The following UCP1 variants were observed in gnomAD, a reference collection of about 807,000 sequenced individuals.
The protein encoded by UCP1 is mitochondrial brown fat uncoupling protein 1.
Under a neutral mutation model 26.2 loss-of-function variants are expected in UCP1, and 24 were observed. That is an observed-to-expected ratio of 0.92 (90% CI 0.66 to 1.29). The LOEUF (loss-of-function observed/expected upper bound fraction) is 1.29. Ranked by LOEUF, UCP1 falls within the 50% of genes most tolerant of loss-of-function variation. The pLI is 0.00. For missense variants in UCP1, 402 were observed against 388.7 expected, an observed-to-expected ratio of 1.03 and a Z score of -0.29; for synonymous variants, 164 against 156.8, an observed-to-expected ratio of 1.05 and a Z score of -0.34.
chr4:140,561,753 A>C (rs1735682166), intron 5 of UCP1, among the ~76,000 whole-genome samples: 1 of 152,202 alleles, frequency 6.6e-6, no homozygotes, highest in Non-Finnish European at 1.5e-5. Flanking sequence ...CAAATCAAAT[A>C]CTTTTCTGCA....
Position 140,568,611 on chromosome 4 carries a change from C to T in UCP1, c.119G>A (p.Arg40Gln), listed in dbSNP as rs752671873. Residue 40 changes from arginine (R) to glutamine (Q), a missense_variant, in exon 1 of 6, where the codon CGG (arginine) becomes CAG (glutamine). Arg to Gln is a conservative substitution (Grantham distance 43). Transcript: ENST00000262999. ...ITFPLDTAKVRLQVQGECPTS... is the reference protein window; with the variant it reads ...ITFPLDTAKVQLQVQGECPTS... Reference sequence around the variant, plus strand: ...ACCCCTCTGCCTAGCTACCTGGAGCCGGACTTTGGCCGTGTCCAGCGGGAA... The same window carrying T: ...ACCCCTCTGCCTAGCTACCTGGAGCTGGACTTTGGCCGTGTCCAGCGGGAA... The T allele has an allele frequency of 1.9e-6, 3 of 1,613,754 alleles. No individual in the cohort carries two copies. Among genetic ancestry groups the T allele is most frequent in the Middle Eastern group, 1.6e-4 (1 of 6,062 alleles).
chr4:140,560,000 A>C lies in UCP1; in HGVS notation c.820T>G (p.Ser274Ala). Residue 274 changes from serine (S) to alanine (A), a missense_variant, in exon 6 of 6, where the codon TCC (serine) becomes GCC (alanine). By Grantham distance (99) the Ser-to-Ala change is moderately conservative. Transcript: ENST00000262999. ...TTCCAGGATCCAAGTCGCAAGAAGGAAGGTACCAACCTAGAAAAGTGCATG... is the reference window on the plus strand; with the variant it reads ...TTCCAGGATCCAAGTCGCAAGAAGGCAGGTACCAACCTAGAAAAGTGCATG... ...PTAFFKGLVP[S>A]FLRLGSWNVI... 6.2e-7 allele frequency: 1 copy of C among 1,613,856 alleles called. No homozygotes were observed. The highest frequency in any genetic ancestry group is 8.5e-7 in the Non-Finnish European group (1 of 1,179,826).
At position 140,559,826 on chromosome 4, in the gene UCP1, G is replaced by A. The variant is rs1735638090; in HGVS notation, c.*70C>T. 1.1e-5 allele frequency: 15 copies of A among 1,352,182 alleles called. No individual in the cohort carries two copies. Among genetic ancestry groups the A allele is most frequent in the Non-Finnish European group, 1.6e-5 (15 of 948,756 alleles). 83.8% of individuals were successfully genotyped at this position (1,352,182 alleles called of 1,614,324 possible). ...TTTTTAGGTTAAAATAAGTGAATAA[G>A]TTTTGTTTGTTTTTATGATCCAGTC... On this transcript the variant is annotated 3_prime_UTR_variant, in exon 6 of 6. Transcript: ENST00000262999.
chr4:140,568,494 C>A (rs1044213917), intron 1 of UCP1, 110 bp downstream of exon 1: 8 of 1,549,490 alleles, frequency 5.2e-6, no homozygotes, highest in Non-Finnish European at 6.1e-6. Flanking sequence ...TGGAAGGTCA[C>A]CTACCCTACC....
At position 140,562,219 on chromosome 4, in the gene UCP1, G is replaced by C; in HGVS notation, c.783C>G (p.Asn261Lys). The C allele has an allele frequency of 1.9e-6, 3 of 1,614,142 alleles. No individual in the cohort carries two copies. Among genetic ancestry groups the C allele is most frequent in the Middle Eastern group, 3.3e-4 (2 of 6,062 alleles). Residue 261 changes from asparagine to lysine, a missense_variant, in exon 5 of 6, where the codon AAC becomes AAG. Coordinates refer to ENST00000262999, the MANE Select transcript of UCP1 (RefSeq NM_021833.5). ...VPNCAMKVFT[N>K]EGPTAFFKGL... ...CCTTGAAGAAAGCCGTTGGTCCTTC[G>C]TTAGTGAACACTTTCATTGCACAGT...
In UCP1 at chr4:140,559,573, T is replaced by C. The variant is rs1232733839; in HGVS notation, c.*323A>G. ...TCAGTTTCTTTTCCACCAGTTGGAATTGTAATTAAAACATGTTAAAGTTCT... is the reference window on the plus strand; with the variant it reads ...TCAGTTTCTTTTCCACCAGTTGGAACTGTAATTAAAACATGTTAAAGTTCT... On this transcript the variant is annotated 3_prime_UTR_variant, in exon 6 of 6. Transcript: ENST00000262999. 2.1e-5 allele frequency: 5 copies of C among 237,504 alleles called. No individual in the cohort carries two copies. The allele number at this position is 237,504 out of a possible 1,614,324, so 14.7% of individuals were successfully genotyped here. A position where few individuals can be genotyped will look rare whatever the true frequency, so the allele number is the denominator to read the frequency against.
intron 5 of UCP1, among the ~76,000 whole-genome samples, chr4:140,561,420 A>G (rs777554926): frequency 5.9e-4 from 89 of 152,098 alleles, no homozygotes; most frequent in Non-Finnish European, 6.9e-4. Context: ...TGGCACAATC[A>G]TAGCTCGCTG....
intron 2 of UCP1, among the ~76,000 whole-genome samples, chr4:140,566,397 C>A (rs980330059): frequency 6.6e-6 from 1 of 152,176 alleles, no homozygotes; most frequent in Admixed American, 6.5e-5. Flanking sequence ...AACATATATC[C>A]TATTAATTTG....
chr4:140,562,205 G>C lies in UCP1; in HGVS notation c.797C>G (p.Ala266Gly). 1.9e-6 allele frequency: 3 copies of C among 1,614,160 alleles called. No homozygotes were observed. Among genetic ancestry groups the C allele is most frequent in the Non-Finnish European group, 2.5e-6 (3 of 1,179,996 alleles). ...MKVFTNEGPT[A>G]FFKGLVPSFL... Reference sequence around the variant, plus strand: ...GATCATATCTTACCCCTTGAAGAAAGCCGTTGGTCCTTCGTTAGTGAACAC... The same window carrying C: ...GATCATATCTTACCCCTTGAAGAAACCCGTTGGTCCTTCGTTAGTGAACAC... Residue 266 changes from alanine to glycine, a missense_variant, in exon 5 of 6, where the codon GCT becomes GGT. Coordinates refer to ENST00000262999, the MANE Select transcript of UCP1 (RefSeq NM_021833.5).
chr4:140,563,472 T>C lies in UCP1; in HGVS notation c.372A>G (p.Gly124=), dbSNP rs1435997153. 2 of 1,614,096 alleles carry C rather than the reference T, an allele frequency of 1.2e-6. No individual in the cohort carries two copies. The highest frequency in any genetic ancestry group is 1.1e-5 in the South Asian group (1 of 91,076). The change falls in exon 3 of 6, where the codon GGA becomes GGG. Residue 124 remains glycine, a synonymous_variant. Transcript: ENST00000262999. ...GTTGCCCAATGAATACTGCCACTCC[T>C]CCAGTCGTTAGACCAGCTAAAATCT... The part of the protein sequence containing the change: ...GSKILAGLTT[G]GVAVFIGQPT...
chr4:140,564,562 T>C (rs987520234), intron 2 of UCP1, among the ~76,000 whole-genome samples: 6 of 152,194 alleles, frequency 3.9e-5, no homozygotes, highest in Non-Finnish European at 5.9e-5. Context: ...TTAAATAATA[T>C]TGATAAAGAG....
chr4:140,563,575 C>T, intron 2 of UCP1, 57 bp from the exon 3 acceptor site: 1 of 1,471,656 alleles, frequency 6.8e-7, no homozygotes, highest in South Asian at 1.2e-5. Flanking sequence ...AGAATGCATG[C>T]ATGTCTTTTT....
intron 3 of UCP1, 42 bp downstream of exon 3, chr4:140,563,276 A>T: frequency 3.1e-6 from 5 of 1,613,198 alleles, no homozygotes; most frequent in Non-Finnish European, 4.2e-6. Context: ...AGTTGTATGT[A>T]TGTGCTTTGG....
At position 140,567,578 on chromosome 4, in the gene UCP1, A is replaced by C. The variant is rs2071416; in HGVS notation, c.325+201T>G. 0.15 allele frequency among the ~76,000 whole-genome samples: 22,315 copies of C among 152,244 alleles called. 3,056 individuals are homozygous for C. Among genetic ancestry groups the C allele is most frequent in the African/African-American group, 0.37 (15,226 of 41,492 alleles). ...ACTTCCATGACTGGGTGACCTTTAC[A>C]AGTATATATCTGCATCTAAAAAATC... On this transcript the variant is annotated intron_variant, in intron 2 of 5. Coordinates refer to ENST00000262999, the MANE Select transcript of UCP1 (RefSeq NM_021833.5).
intron 4 of UCP1, among the ~76,000 whole-genome samples, 192 bp downstream of exon 4, chr4:140,562,918 T>C (rs1419452007): frequency 6.6e-6 from 1 of 152,200 alleles, no homozygotes; most frequent in African/African-American, 2.4e-5. Flanking sequence ...ATTTTTGTTG[T>C]GGCAAAACTT....
intron 5 of UCP1, among the ~76,000 whole-genome samples, chr4:140,561,130 A>G (rs1398052613): frequency 1.3e-5 from 2 of 152,222 alleles, no homozygotes; most frequent in African/African-American, 4.8e-5. Flanking sequence ...ATCCATTTTA[A>G]GTTAATTTTA....
Position 140,568,818 on chromosome 4 carries a change from G to C in UCP1, c.-89C>G. ...TTTCCCTTGCTCTTCACGCCTGTCC[G>C]CCGGGCAGCAAACCCGATTTCTGTT... is the stretch of plus-strand genomic sequence containing the variant. On this transcript the variant is annotated 5_prime_UTR_variant, in exon 1 of 6. Coordinates refer to ENST00000262999, the MANE Select transcript of UCP1 (RefSeq NM_021833.5). 2 of 1,525,310 alleles carry C rather than the reference G, an allele frequency of 1.3e-6. No homozygotes were observed. Among genetic ancestry groups the C allele is most frequent in the South Asian group, 1.2e-5 (1 of 83,816 alleles). The allele number at this position is 1,525,310 out of a possible 1,614,324, so 94.5% of individuals were successfully genotyped here. A position where few individuals can be genotyped will look rare whatever the true frequency, so the allele number is the denominator to read the frequency against.
chr4:140,567,815 C>T lies in UCP1; in HGVS notation c.289G>A (p.Asp97Asn), dbSNP rs765672077. ...SSASLRIGLY[D>N]TVQEFLTAGK... ...GCGGTGAGGAACTCCTGGACCGTGT[C>T]GTAGAGGCCGATCCTGAGAGAGGCG... The change falls in exon 2 of 6, where the codon GAC becomes AAC. Residue 97 changes from aspartate (D) to asparagine (N), a missense_variant. Coordinates refer to ENST00000262999, the MANE Select transcript of UCP1 (RefSeq NM_021833.5). The T allele has an allele frequency of 9.3e-6, 15 of 1,614,004 alleles. No homozygotes were observed. The highest frequency in any genetic ancestry group is 5.5e-5 in the South Asian group (5 of 91,080).
rs746397234 is a variant in UCP1, at chr4:140,568,818, G to T, written c.-89C>A. 1.2e-4 allele frequency: 179 copies of T among 1,525,192 alleles called. No homozygotes were observed. The highest frequency in any genetic ancestry group is 1.6e-4 in the Non-Finnish European group (179 of 1,137,612). The allele number at this position is 1,525,192 out of a possible 1,614,324, so 94.5% of individuals were successfully genotyped here. On this transcript the variant is annotated 5_prime_UTR_variant, in exon 1 of 6. Coordinates refer to ENST00000262999, the MANE Select transcript of UCP1 (RefSeq NM_021833.5). ...TTTCCCTTGCTCTTCACGCCTGTCCGCCGGGCAGCAAACCCGATTTCTGTT... is the reference window on the plus strand; with the variant it reads ...TTTCCCTTGCTCTTCACGCCTGTCCTCCGGGCAGCAAACCCGATTTCTGTT...
Sources: allele counts gnomAD v4.1 joint callset (sites outside exome capture counted in the v4.1 genomes callset), GRCh38; gene constraint gnomAD v4.1.1; transcripts MANE v1.5; gene names NCBI Gene and HGNC (gene_info 2026-07-23, HGNC 2026-07-21).